Variants in CELF2 observed in about 807,000 individuals in gnomAD.
CELF2 encodes CUG triplet repeat RNA-binding protein 2.
CELF2 carries 8 observed loss-of-function variants against 62.6 expected under a neutral mutation model. That is an observed-to-expected ratio of 0.13 (90% confidence interval 0.07 to 0.23). CELF2 has a LOEUF of 0.23. CELF2 is among the 10% of genes least tolerant of loss of function. The probability of loss-of-function intolerance (pLI) is 1.00; values close to 1 mark genes in which losing one functional copy is unlikely to be tolerated. For missense variants in CELF2, 333 were observed against 671.0 expected (o/e 0.50, Z 5.56); for synonymous variants, 258 against 250.0 (o/e 1.03, Z -0.30).
At chr10:10,880,170 T>C (rs947342899) in intron 1 of CELF2, among the ~76,000 whole-genome samples, 3 of 152,162 alleles carry the variant, frequency 2.0e-5, no homozygotes, top group Non-Finnish European at 4.4e-5. Flanking sequence ...AAGAGGAGAC[T>C]GTTACTAGTT....
the CELF2 span, among the ~76,000 whole-genome samples, chr10:10,653,391 C>G: frequency 6.7e-6 from 1 of 148,410 alleles, no homozygotes; most frequent in Non-Finnish European, 1.5e-5. Context: ...CAGAACTCTC[C>G]ACCCCAAATC....
At chr10:11,215,417 C>A (rs1565353232) in intron 2 of CELF2, among the ~76,000 whole-genome samples, 2 of 152,326 alleles carry the variant, frequency 1.3e-5, no homozygotes, top group South Asian at 4.1e-4. Flanking sequence ...CCAGACCAAC[C>A]TCAACTCTTC....
intron 1 of CELF2, among the ~76,000 whole-genome samples, chr10:11,060,838 G>T (rs958374194): frequency 6.6e-6 from 1 of 152,128 alleles, no homozygotes; most frequent in Non-Finnish European, 1.5e-5. Flanking sequence ...TGTTACTATT[G>T]TAATTGTTTC....
the CELF2 span, among the ~76,000 whole-genome samples, chr10:10,475,769 A>C: frequency 6.6e-6 from 1 of 152,098 alleles, no homozygotes; most frequent in Non-Finnish European, 1.5e-5. Context: ...TGCATAAAAG[A>C]CTTAACTTTT....
intron 1 of CELF2, among the ~76,000 whole-genome samples, chr10:10,906,717 C>CTTTTTTTTTTTTTTTTTT (rs397846553): frequency 9.9e-4 from 108 of 109,214 alleles, no homozygotes; most frequent in East Asian, 1.1e-3. Flanking sequence ...TTTTTCTTTT[C>CTTTTTTTTTTTTTTTTTT]TTTTTTTTTT....
intron 1 of CELF2, among the ~76,000 whole-genome samples, chr10:10,852,988 A>G (rs918193784): frequency 6.6e-6 from 1 of 152,122 alleles, no homozygotes; most frequent in Non-Finnish European, 1.5e-5. Flanking sequence ...CATGATTATT[A>G]TTATTACTGA....
the CELF2 span, among the ~76,000 whole-genome samples, chr10:10,731,137 A>G: frequency 1.3e-5 from 2 of 152,168 alleles, no homozygotes; most frequent in South Asian, 4.1e-4. Context: ...GGCAAGTTTG[A>G]TTGAACATTA....
At chr10:10,943,458 T>C (rs1281525588) in intron 2 of CELF2, among the ~76,000 whole-genome samples, 6 of 152,160 alleles carry the variant, frequency 3.9e-5, no homozygotes, top group African/African-American at 1.4e-4. Flanking sequence ...ATGGGCAGAT[T>C]AGGATAGGGA....
chr10:10,963,202 C>T lies in CELF2; in HGVS notation c.89+43203C>T, dbSNP rs201081. On this transcript the variant is annotated intron_variant, in intron 2 of 13. Coordinates refer to the CELF2 transcript ENST00000636488. ...CCGAGTAGCTGGGATTACAGGCACA[C>T]GCCACCACGTTCAGCTAATTTTTGT... Among the ~76,000 whole-genome samples the T allele has an allele frequency of 8.2e-3, 1,253 of 152,036 alleles. 20 individuals are homozygous for T. The highest frequency in any genetic ancestry group is 0.028 in the African/African-American group (1,168 of 41,472).
At chr10:11,073,438 G>A (rs937328963) in intron 1 of CELF2, among the ~76,000 whole-genome samples, 12 of 152,152 alleles carry the variant, frequency 7.9e-5, no homozygotes, top group East Asian at 3.8e-4. Flanking sequence ...GAAACACGCC[G>A]GGATGTTTAG....
intron 2 of CELF2, among the ~76,000 whole-genome samples, chr10:11,203,902 T>G (rs1190495649): frequency 1.3e-5 from 2 of 152,202 alleles, no homozygotes; most frequent in Non-Finnish European, 2.9e-5. Flanking sequence ...GGAAACAGAT[T>G]GCGGTGTTGT....
intron 3 of CELF2, among the ~76,000 whole-genome samples, chr10:11,238,945 C>T (rs1166110192): frequency 6.6e-6 from 1 of 152,142 alleles, no homozygotes; most frequent in Non-Finnish European, 1.5e-5. Flanking sequence ...AACCTAATCA[C>T]AGCTAACGAG....
At chr10:10,691,459 A>G in the CELF2 span, among the ~76,000 whole-genome samples, 3 of 150,012 alleles carry the variant, frequency 2.0e-5, no homozygotes, top group Admixed American at 2.0e-4. Flanking sequence ...TAATGCCACA[A>G]TAAACATACG....
the CELF2 span, among the ~76,000 whole-genome samples, chr10:10,706,856 C>G: frequency 2.2e-4 from 34 of 152,330 alleles, no homozygotes; most frequent in African/African-American, 7.9e-4. Flanking sequence ...GCTAGATTTA[C>G]AAGCCATGCA....
intron 4 of CELF2, among the ~76,000 whole-genome samples, chr10:11,252,161 A>G (rs761237202): frequency 1.3e-5 from 2 of 152,242 alleles, no homozygotes; most frequent in Non-Finnish European, 2.9e-5. Context: ...TGGAGGAATC[A>G]GGAGGAATAT....
intron 1 of CELF2, among the ~76,000 whole-genome samples, chr10:11,164,593 A>T (rs1421357752): frequency 6.6e-6 from 1 of 152,118 alleles, no homozygotes; most frequent in African/African-American, 2.4e-5. Context: ...TATACAGAGA[A>T]CAATTTATGG....
At chr10:10,770,287 G>A in the CELF2 span, among the ~76,000 whole-genome samples, 727 of 151,536 alleles carry the variant, frequency 4.8e-3, 4 homozygotes, top group African/African-American at 0.01. Flanking sequence ...AGCCGAGGTC[G>A]CGCCACTGCA....
chr10:11,086,587 A>T (rs1157010029), intron 1 of CELF2, among the ~76,000 whole-genome samples: 8 of 75,330 alleles, frequency 1.1e-4, no homozygotes, highest in Non-Finnish European at 2.0e-4. Flanking sequence ...TTAAAAAAAA[A>T]AAAAAAAAAA....
chr10:10,986,417 A>G (rs1379449762), intron 2 of CELF2, among the ~76,000 whole-genome samples: 1 of 152,172 alleles, frequency 6.6e-6, no homozygotes, highest in Non-Finnish European at 1.5e-5. Flanking sequence ...CTATTCTTTA[A>G]TACTGATTTT....
Sources: gnomAD v4.1 joint callset for allele counts (sites outside exome capture counted in the v4.1 genomes callset) on GRCh38, gnomAD v4.1.1 for gene constraint, MANE v1.5 for transcripts, NCBI Gene and HGNC (gene_info 2026-07-23, HGNC 2026-07-21) for gene names.